The following EYS variants were observed in gnomAD, a reference collection of about 807,000 sequenced individuals.
The protein encoded by EYS is protein eyes shut homolog.
EYS carries 250 observed loss-of-function variants against 282.1 expected under a neutral mutation model. The observed-to-expected ratio is 0.89, with a 90% CI of 0.80 to 0.98. EYS has a LOEUF of 0.98. EYS is among the 50% of genes least tolerant of loss of function. The pLI, the probability that EYS is intolerant of heterozygous loss-of-function variation, is 0.00. For synonymous variants in EYS, 1,355 were observed against 1,282.9 expected, an observed-to-expected ratio of 1.06 and a Z score of -1.20; for missense variants, 4,016 against 3,709.0, an observed-to-expected ratio of 1.08 and a Z score of -2.15.
intron 12 of EYS, among the ~76,000 whole-genome samples, chr6:65,193,820 GC>G (rs1421264945): frequency 3.3e-5 from 5 of 151,808 alleles, no homozygotes; most frequent in African/African-American, 1.2e-4. Context: ...GATGCTCAGA[GC>G]CTGAGTACAA....
At chr6:64,055,530 G>T (rs1352406260) in intron 33 of EYS, among the ~76,000 whole-genome samples, 1 of 152,026 alleles carries the variant, frequency 6.6e-6, no homozygotes, top group Non-Finnish European at 1.5e-5. Context: ...CGTGTCCTGT[G>T]CCTTCATTTT....
chr6:64,085,637 A>T (rs750396280), intron 31 of EYS, among the ~76,000 whole-genome samples: 34 of 152,164 alleles, frequency 2.2e-4, no homozygotes, highest in Admixed American at 6.5e-4. Context: ...TCATTTGTTT[A>T]CAGTGTTATA....
At chr6:65,606,016 C>T (rs1441742224) in intron 2 of EYS, among the ~76,000 whole-genome samples, 4 of 151,478 alleles carry the variant, frequency 2.6e-5, no homozygotes, top group Non-Finnish European at 3.0e-5. Context: ...AAATATTTCA[C>T]ATCAGATATA....
At chr6:64,354,190 T>C (rs1771744501) in intron 29 of EYS, among the ~76,000 whole-genome samples, 2 of 151,720 alleles carry the variant, frequency 1.3e-5, no homozygotes, top group East Asian at 2.0e-4. Flanking sequence ...TGAGCAAACT[T>C]TGGCAGAGAT....
At chr6:65,251,837 C>T (rs763763075) in intron 12 of EYS, among the ~76,000 whole-genome samples, 42 of 151,938 alleles carry the variant, frequency 2.8e-4, no homozygotes, top group Admixed American at 6.6e-4. Context: ...AAGAGAATAC[C>T]AGATTCCTTC....
intron 2 of EYS, among the ~76,000 whole-genome samples, chr6:65,539,932 T>G (rs1301521619): frequency 6.6e-6 from 1 of 152,190 alleles, no homozygotes; most frequent in Non-Finnish European, 1.5e-5. Flanking sequence ...GGGAGAAAGC[T>G]CATAATGCTT....
Position 64,213,234 on chromosome 6 carries a change from T to A in EYS, c.6424+17358A>T, listed in dbSNP as rs537960572. Among the ~76,000 whole-genome samples, 110 of 152,144 alleles carry A rather than the reference T, an allele frequency of 7.2e-4. 1 individual carries two copies. The highest frequency in any genetic ancestry group is 2.5e-3 in the African/African-American group (104 of 41,524). On this transcript the variant is annotated intron_variant, in intron 31 of 42. Transcript: ENST00000503581. ...CCCTGAACTTAAAAGTTAAAAAAAA[T>A]TTCAACATAAGTTTTGAAGGGGACA...
chr6:64,524,432 T>C (rs999991679), intron 26 of EYS, among the ~76,000 whole-genome samples: 146 of 151,962 alleles, frequency 9.6e-4, no homozygotes, highest in African/African-American at 3.1e-3. Context: ...GGTTGTCTAT[T>C]TCCTCTGTAG....
intron 2 of EYS, among the ~76,000 whole-genome samples, chr6:65,619,081 G>T (rs171357): frequency 0.83 from 125,443 of 151,470 alleles, 52,046 homozygotes; most frequent in East Asian, 0.97. Flanking sequence ...TTTTTCCAAT[G>T]CTGTGAAGAA....
chr6:64,522,191 G>A (rs964710132), intron 26 of EYS, among the ~76,000 whole-genome samples: 1 of 151,698 alleles, frequency 6.6e-6, no homozygotes, highest in East Asian at 1.9e-4. Flanking sequence ...ACACAAAAAC[G>A]AGTGTTCAAT....
At chr6:64,261,008 AT>A (rs1368483582) in intron 30 of EYS, among the ~76,000 whole-genome samples, 1 of 78,998 alleles carries the variant, frequency 1.3e-5, no homozygotes, top group Non-Finnish European at 3.0e-5. Context: ...TTCAGCACTT[AT>A]CATTTTTTTG....
intron 19 of EYS, among the ~76,000 whole-genome samples, chr6:64,857,266 A>G (rs1422707786): frequency 6.6e-6 from 1 of 152,126 alleles, no homozygotes; most frequent in Admixed American, 6.6e-5. Context: ...GAATCTTACA[A>G]TTTTTTAAAT....
intron 26 of EYS, among the ~76,000 whole-genome samples, chr6:64,525,415 C>T (rs750939806): frequency 2.2e-4 from 33 of 151,632 alleles, no homozygotes; most frequent in Admixed American, 7.2e-4. Context: ...AGCAAACTAA[C>T]GCAGGGACAG....
At chr6:64,727,848 A>G (rs1771810714) in intron 22 of EYS, among the ~76,000 whole-genome samples, 1 of 152,248 alleles carries the variant, frequency 6.6e-6, no homozygotes, top group South Asian at 2.1e-4. Flanking sequence ...TTGTTTCTTT[A>G]CAAAGTAGCC....
intron 24 of EYS, among the ~76,000 whole-genome samples, chr6:64,616,883 G>A (rs578170356): frequency 2.6e-5 from 4 of 151,920 alleles, no homozygotes; most frequent in African/African-American, 7.2e-5. Context: ...CATGGGCTGC[G>A]GTCAGTTTTA....
intron 12 of EYS, among the ~76,000 whole-genome samples, chr6:65,237,791 T>C (rs1050073564): frequency 6.6e-6 from 1 of 152,168 alleles, no homozygotes; most frequent in South Asian, 2.1e-4. Context: ...AAATTCTTCA[T>C]TTTTTGAACT....
chr6:64,544,228 A>G (rs1006420711), intron 26 of EYS, among the ~76,000 whole-genome samples: 7 of 152,202 alleles, frequency 4.6e-5, no homozygotes, highest in African/African-American at 1.7e-4. Context: ...ACTCGCTAAG[A>G]GAATACAATT....
chr6:64,062,060 A>G (rs1771195851), intron 33 of EYS, among the ~76,000 whole-genome samples: 2 of 152,206 alleles, frequency 1.3e-5, no homozygotes, highest in African/African-American at 4.8e-5. Flanking sequence ...CATATGATGA[A>G]AAAGGAACCT....
chr6:65,068,612 T>G (rs2150164229), intron 12 of EYS, among the ~76,000 whole-genome samples: 1 of 152,164 alleles, frequency 6.6e-6, no homozygotes, highest in East Asian at 1.9e-4. Context: ...GGACTAGATA[T>G]TAATCCCCTT....
Sources: gnomAD v4.1 joint callset for allele counts (sites outside exome capture counted in the v4.1 genomes callset) on GRCh38, gnomAD v4.1.1 for gene constraint, MANE v1.5 for transcripts, NCBI Gene and HGNC (gene_info 2026-07-23, HGNC 2026-07-21) for gene names.